CSGALNACT1: variants seen among roughly 807,000 people sequenced by gnomAD.
CSGALNACT1 encodes the protein chondroitin sulfate N-acetylgalactosaminyltransferase 1, also known as beta4GalNAcT-1.
Under a neutral mutation model 51.0 loss-of-function variants are expected in CSGALNACT1, and 52 were observed. The observed-to-expected ratio is 1.02, with a 90% CI of 0.82 to 1.29. The LOEUF is 1.29. Among genes scored for constraint, CSGALNACT1 ranks in the 50% most tolerant of loss-of-function variants. The probability of loss-of-function intolerance (pLI) is 0.00; values close to 1 mark genes in which losing one functional copy is unlikely to be tolerated. For missense variants in CSGALNACT1, 935 were observed against 679.2 expected (o/e 1.38, Z -4.19); for synonymous variants, 341 against 254.4 (o/e 1.34, Z -3.24).
At chr8:19,604,976 A>G (rs11986883), upstream of CSGALNACT1, among the ~76,000 whole-genome samples, 5,676 of 151,338 alleles carry the variant, frequency 0.038, 363 homozygotes, top group African/African-American at 0.13. Flanking sequence ...TGGAAGTGGT[A>G]GCTAGGTATA....
chr8:19,437,846 A>G (rs1464002233), intron 6 of CSGALNACT1, among the ~76,000 whole-genome samples: 1 of 152,226 alleles, frequency 6.6e-6, no homozygotes, highest in Admixed American at 6.5e-5. Flanking sequence ...GAGGCAAACC[A>G]TCTCTACCAC....
chr8:19,510,240 C>T (rs1327622363), intron 3 of CSGALNACT1, among the ~76,000 whole-genome samples: 2 of 152,106 alleles, frequency 1.3e-5, no homozygotes, highest in African/African-American at 2.4e-5. Flanking sequence ...GATATCCAAG[C>T]GCAATGCCTT....
chr8:19,608,023 A>G (rs1399409666), intron 1 of CSGALNACT1, among the ~76,000 whole-genome samples: 10 of 152,272 alleles, frequency 6.6e-5, no homozygotes, highest in Admixed American at 6.5e-4. Context: ...TCCAGAGTAT[A>G]AAGATTTCAG....
chr8:19,525,135 T>C (rs2081414149), intron 3 of CSGALNACT1, among the ~76,000 whole-genome samples: 1 of 152,196 alleles, frequency 6.6e-6, no homozygotes, highest in Non-Finnish European at 1.5e-5. Flanking sequence ...CTTTGTCCAA[T>C]ATATATCTGC....
At chr8:19,615,692 A>T (rs780227849) in intron 1 of CSGALNACT1, among the ~76,000 whole-genome samples, 6 of 152,248 alleles carry the variant, frequency 3.9e-5, no homozygotes, top group Non-Finnish European at 8.8e-5. Flanking sequence ...TCAACATCCA[A>T]TTATATGCTG....
intron 3 of CSGALNACT1, among the ~76,000 whole-genome samples, chr8:19,554,550 C>T (rs1264971008): frequency 2.3e-5 from 1 of 44,146 alleles, no homozygotes; most frequent in Non-Finnish European, 4.0e-5. Context: ...AGCAAACTGA[C>T]AGTTTCCAAA....
chr8:19,414,329 G>C (rs1212712444), intron 8 of CSGALNACT1, among the ~76,000 whole-genome samples: 1 of 150,712 alleles, frequency 6.6e-6, no homozygotes, highest in Non-Finnish European at 1.5e-5. Flanking sequence ...TAAGATAGAA[G>C]TGGTAGGAGG....
At chr8:19,460,010 T>A (rs1425500169) in intron 4 of CSGALNACT1, among the ~76,000 whole-genome samples, 1 of 152,104 alleles carries the variant, frequency 6.6e-6, no homozygotes, top group East Asian at 1.9e-4. Flanking sequence ...AATTTCCCAA[T>A]GTAAGGATCA....
chr8:19,405,192 C>A, exon 10 of CSGALNACT1: 1 of 448,222 alleles, frequency 2.2e-6, no homozygotes, highest in Non-Finnish European at 4.4e-6. Context: ...GTTAAAAGGA[C>A]AACCAAAAAG....
At chr8:19,487,414 A>G (rs947063567) in intron 4 of CSGALNACT1, among the ~76,000 whole-genome samples, 6 of 152,186 alleles carry the variant, frequency 3.9e-5, no homozygotes, top group South Asian at 2.1e-4. Flanking sequence ...CATGACAGGG[A>G]GGTTCCAGGA....
chr8:19,741,541 C>T (rs1385590482), intron 1 of CSGALNACT1, among the ~76,000 whole-genome samples: 2 of 113,750 alleles, frequency 1.8e-5, no homozygotes, highest in Admixed American at 1.2e-4. Context: ...CCAGCCTGGG[C>T]GAAAGAGTGA....
At chr8:19,637,872 A>C (rs1330961682) in intron 1 of CSGALNACT1, among the ~76,000 whole-genome samples, 5 of 150,522 alleles carry the variant, frequency 3.3e-5, no homozygotes, top group African/African-American at 1.2e-4. Context: ...AACATAGAAG[A>C]AGTGAGTGCC....
chr8:19,477,594 T>C (rs992738131), intron 4 of CSGALNACT1, among the ~76,000 whole-genome samples: 5 of 152,186 alleles, frequency 3.3e-5, no homozygotes, highest in Non-Finnish European at 5.9e-5. Context: ...TCTAACTTAT[T>C]AGTAATTATC....
At chr8:19,632,202 T>G (rs1278947441) in intron 1 of CSGALNACT1, among the ~76,000 whole-genome samples, 1 of 152,282 alleles carries the variant, frequency 6.6e-6, no homozygotes, top group Non-Finnish European at 1.5e-5. Context: ...TCCACAGTTA[T>G]GACTTTATGA....
intron 1 of CSGALNACT1, among the ~76,000 whole-genome samples, chr8:19,692,121 A>G (rs1374033101): frequency 6.6e-6 from 1 of 152,146 alleles, no homozygotes; most frequent in Non-Finnish European, 1.5e-5. Context: ...ACTCACTATC[A>G]CGAGAACAGC....
intron 1 of CSGALNACT1, among the ~76,000 whole-genome samples, chr8:19,754,104 T>G (rs1319689420): frequency 1.3e-5 from 2 of 152,064 alleles, no homozygotes; most frequent in Non-Finnish European, 2.9e-5. Context: ...CTCAGCTCAA[T>G]GCAACCTCCG....
intron 2 of CSGALNACT1, among the ~76,000 whole-genome samples, chr8:19,593,520 C>T (rs1382259434): frequency 1.3e-5 from 2 of 152,172 alleles, no homozygotes; most frequent in African/African-American, 4.8e-5. Context: ...CCACGGACTA[C>T]ACTAGGGCCA....
Position 19,693,628 on chromosome 8 carries a change from G to C in CSGALNACT1, c.-297+64222C>G, listed in dbSNP as rs554075120. ...AAGATTTTCTCTGGACCTGTCTACAGGGAGCCCCTGTTCACATACAGAGCT... is the reference window on the plus strand; with the variant it reads ...AAGATTTTCTCTGGACCTGTCTACACGGAGCCCCTGTTCACATACAGAGCT... On this transcript the variant is annotated intron_variant, in intron 1 of 1. Transcript: ENST00000517494. Among the ~76,000 whole-genome samples the C allele has an allele frequency of 3.0e-3, 464 of 152,136 alleles. 2 individuals carry two copies. Among genetic ancestry groups the C allele is most frequent in the African/African-American group, 0.01 (426 of 41,510 alleles).
At chr8:19,485,918 C>T (rs7464358) in intron 4 of CSGALNACT1, among the ~76,000 whole-genome samples, 116,730 of 151,062 alleles carry the variant, frequency 0.77, 45,718 homozygotes, top group East Asian at 0.86. Context: ...AGGCACACGC[C>T]ACCACATCTG....
Sources: allele counts gnomAD v4.1 joint callset (sites outside exome capture counted in the v4.1 genomes callset), GRCh38; gene constraint gnomAD v4.1.1; transcripts MANE v1.5; gene names NCBI Gene and HGNC (gene_info 2026-07-23, HGNC 2026-07-21).